The following UMAD1 variants were observed in gnomAD, a reference collection of about 807,000 sequenced individuals.
The protein encoded by UMAD1 is UBAP1-MVB12-associated (UMA)-domain containing protein 1.
In UMAD1, 8 loss-of-function variants were observed where a neutral mutation model predicts 6.1. The ratio of observed to expected loss-of-function variants is 1.30; its 90% CI spans 0.76 to 2.35. UMAD1 has a LOEUF of 2.35. Among genes scored for constraint, UMAD1 ranks in the 30% most tolerant of loss-of-function variants. The pLI is 0.00. For missense variants in UMAD1, 130 were observed against 78.4 expected, an observed-to-expected ratio of 1.66 and a Z score of -2.49; for synonymous variants, 56 against 31.4, an observed-to-expected ratio of 1.78 and a Z score of -2.61.
chr7:7,751,122 G>C (rs1781669560), intron 2 of UMAD1, among the ~76,000 whole-genome samples: 1 of 152,126 alleles, frequency 6.6e-6, no homozygotes. Context: ...ATATAATGCT[G>C]TCATTATTGT....
chr7:7,677,610 G>C (rs1288020099), intron 2 of UMAD1, among the ~76,000 whole-genome samples: 2 of 148,880 alleles, frequency 1.3e-5, no homozygotes, highest in Admixed American at 1.3e-4. Context: ...TGGCTAAATA[G>C]TATTCCATTG....
intron 2 of UMAD1, chr7:7,686,037 C>T (rs779806778): frequency 3.3e-5 from 5 of 152,206 alleles, no homozygotes; most frequent in African/African-American, 1.2e-4. Context: ...GCCAGAGAAT[C>T]AGCATTTTAA....
chr7:7,750,690 C>T (rs1781661411), intron 2 of UMAD1, among the ~76,000 whole-genome samples: 1 of 152,150 alleles, frequency 6.6e-6, no homozygotes, highest in East Asian at 1.9e-4. Flanking sequence ...ATTTTATCCC[C>T]ATTTTACAAA....
chr7:7,706,484 T>G (rs189689406), intron 2 of UMAD1, among the ~76,000 whole-genome samples: 1 of 152,286 alleles, frequency 6.6e-6, no homozygotes, highest in African/African-American at 2.4e-5. Flanking sequence ...TAACAATATA[T>G]GTAATATTTC....
At position 7,878,754 on chromosome 7, in the gene UMAD1, T is replaced by G. The variant is rs1333804424; in HGVS notation, c.*1216T>G. 6.6e-6 allele frequency: 1 copy of G among 152,230 alleles called. No homozygotes were observed. Among genetic ancestry groups the G allele is most frequent in the Non-Finnish European group, 1.5e-5 (1 of 68,030 alleles). 9.4% of individuals were successfully genotyped at this position (152,230 alleles called of 1,614,324 possible). On this transcript the variant is annotated 3_prime_UTR_variant, in exon 4 of 4. Coordinates refer to ENST00000682710, the MANE Select transcript of UMAD1 (RefSeq NM_001302348.2). ...AAAGGTACATGAATTATTCCAGTTT[T>G]AAAGTATTATGCATGTTTGTTTAAT...
At chr7:7,733,859 CTTCT>C (rs1400514347) in intron 2 of UMAD1, among the ~76,000 whole-genome samples, 1 of 151,718 alleles carries the variant, frequency 6.6e-6, no homozygotes, top group African/African-American at 2.4e-5. Flanking sequence ...TGATTATAGA[CTTCT>C]GTCACACATA....
chr7:7,728,324 T>G (rs1333448606), intron 2 of UMAD1, among the ~76,000 whole-genome samples: 3 of 152,128 alleles, frequency 2.0e-5, no homozygotes, highest in African/African-American at 7.2e-5. Context: ...GAGTGTTCAG[T>G]TTTCTCATTT....
chr7:7,873,287 G>GT (rs1250230201), intron 3 of UMAD1, among the ~76,000 whole-genome samples: 1 of 152,152 alleles, frequency 6.6e-6, no homozygotes, highest in Non-Finnish European at 1.5e-5. Flanking sequence ...CTGCTCACAG[G>GT]TGATCAAAGC....
intron 3 of UMAD1, among the ~76,000 whole-genome samples, chr7:7,803,190 G>A (rs537263434): frequency 1.3e-5 from 2 of 152,192 alleles, no homozygotes; most frequent in Non-Finnish European, 2.9e-5. Flanking sequence ...CAAACATTTG[G>A]TGAGGCTGGG....
intron 3 of UMAD1, among the ~76,000 whole-genome samples, chr7:7,864,279 T>C (rs1252351218): frequency 6.6e-6 from 1 of 152,120 alleles, no homozygotes; most frequent in Admixed American, 6.5e-5. Context: ...TAAATAAAGA[T>C]CAAAACACTT....
intron 1 of UMAD1, among the ~76,000 whole-genome samples, chr7:7,646,968 G>C (rs114805523): frequency 0.037 from 5,642 of 152,214 alleles, 363 homozygotes; most frequent in African/African-American, 0.13. Flanking sequence ...CTTAAGGGTG[G>C]AGCCCTCGCC....
At chr7:7,801,594 T>C in intron 2 of UMAD1, 76 bp from the exon 3 acceptor site, 7 of 668,278 alleles carry the variant, frequency 1.0e-5, no homozygotes, top group South Asian at 1.0e-4. Flanking sequence ...CAAAAGATAC[T>C]TCAAACAAAT....
intron 3 of UMAD1, among the ~76,000 whole-genome samples, chr7:7,822,827 CT>C (rs879297760): frequency 3.0e-4 from 44 of 144,696 alleles, no homozygotes; most frequent in Admixed American, 7.6e-4. Flanking sequence ...AGACGAAAAA[CT>C]TTTTTTTTTT....
intron 3 of UMAD1, among the ~76,000 whole-genome samples, chr7:7,823,302 TA>T (rs1225822537): frequency 1.2e-4 from 18 of 152,172 alleles, no homozygotes; most frequent in African/African-American, 4.3e-4. Context: ...ATTTAGCAAA[TA>T]AAATTACTGG....
Position 7,757,558 on chromosome 7 carries a change from G to A in UMAD1, c.83-44112G>A, listed in dbSNP as rs528985177. ...AATTAAACATGCTTTGGAGCCAGAT[G>A]TAAATGAGGTAACTTTTTTGAAGAG... is the stretch of plus-strand genomic sequence containing the variant. On this transcript the variant is annotated intron_variant, in intron 2 of 3. Transcript: ENST00000682710. Among the ~76,000 whole-genome samples the A allele has an allele frequency of 4.6e-5, 7 of 152,270 alleles. No homozygotes were observed. In the South Asian group the frequency reaches 1.5e-3, roughly 32 times the overall value.
At chr7:7,865,334 A>C (rs2115336033) in intron 3 of UMAD1, among the ~76,000 whole-genome samples, 1 of 152,192 alleles carries the variant, frequency 6.6e-6, no homozygotes, top group South Asian at 2.1e-4. Flanking sequence ...ATTGTAGAAC[A>C]CTCGGTTGTT....
chr7:7,848,224 T>A (rs1783847658), intron 3 of UMAD1, among the ~76,000 whole-genome samples: 1 of 152,226 alleles, frequency 6.6e-6, no homozygotes, highest in African/African-American at 2.4e-5. Flanking sequence ...CAGACTCTGT[T>A]GTACTACTAA....
chr7:7,863,077 A>G (rs1041473877), intron 3 of UMAD1, among the ~76,000 whole-genome samples: 1 of 152,086 alleles, frequency 6.6e-6, no homozygotes, highest in African/African-American at 2.4e-5. Flanking sequence ...TTGCTTATGT[A>G]GGTGGCATCG....
chr7:7,791,523 TTTTC>T (rs1782566682), intron 2 of UMAD1, among the ~76,000 whole-genome samples: 1 of 152,248 alleles, frequency 6.6e-6, no homozygotes, highest in African/African-American at 2.4e-5. Context: ...TAATTTGGCC[TTTTC>T]AGTTTCTAGT....
Sources: allele counts gnomAD v4.1 joint callset (sites outside exome capture counted in the v4.1 genomes callset), GRCh38; gene constraint gnomAD v4.1.1; transcripts MANE v1.5; gene names NCBI Gene and HGNC (gene_info 2026-07-23, HGNC 2026-07-21).